ZNF438: variants seen among roughly 807,000 people sequenced by gnomAD.
The protein encoded by ZNF438 is zinc finger protein 438.
A neutral mutation model predicts 38.0 loss-of-function variants in ZNF438; 25 were observed. The ratio of observed to expected loss-of-function variants is 0.66; its 90% CI spans 0.48 to 0.92. ZNF438 has a LOEUF of 0.92. Ranked by LOEUF, ZNF438 falls within the 40% of genes least tolerant of loss-of-function variation. The pLI is 0.00. For missense variants in ZNF438, 1,007 were observed against 999.6 expected (o/e 1.01, Z -0.10); for synonymous variants, 372 against 364.1 (o/e 1.02, Z -0.25).
intron 3 of ZNF438, among the ~76,000 whole-genome samples, chr10:30,879,259 G>A (rs373376830): frequency 1.3e-5 from 2 of 152,186 alleles, no homozygotes; most frequent in South Asian, 2.1e-4. Context: ...GTACACAGAA[G>A]GGTCTTGCCT....
At chr10:30,986,146 C>T (rs1326822851) in intron 1 of ZNF438, among the ~76,000 whole-genome samples, 1 of 152,116 alleles carries the variant, frequency 6.6e-6, no homozygotes, top group Admixed American at 6.5e-5. Context: ...ATGATACTTT[C>T]ACAATGACAA....
At chr10:31,031,120 G>C (rs1016891621) in intron 1 of ZNF438, among the ~76,000 whole-genome samples, 1 of 152,242 alleles carries the variant, frequency 6.6e-6, no homozygotes, top group African/African-American at 2.4e-5. Context: ...ATGGAGGGAA[G>C]GTTGTCGGGG....
chr10:30,866,431 T>C (rs1391637618), intron 4 of ZNF438, among the ~76,000 whole-genome samples: 1 of 152,240 alleles, frequency 6.6e-6, no homozygotes, highest in Admixed American at 6.5e-5. Flanking sequence ...TAACAGTATT[T>C]GTTGCCAATG....
At chr10:30,906,488 T>C (rs894001707) in intron 3 of ZNF438, among the ~76,000 whole-genome samples, 2 of 152,154 alleles carry the variant, frequency 1.3e-5, no homozygotes, top group African/African-American at 4.8e-5. Context: ...TTCCTTAAGA[T>C]TTTTTTACAT....
In ZNF438 at chr10:30,874,108, GTGTGTGTATATATATATA is replaced by G. The variant is rs1348956684; in HGVS notation, c.37+2872_37+2889del. On this transcript the variant is annotated intron_variant, in intron 4 of 5. Coordinates refer to ENST00000413025, the Ensembl canonical transcript of ZNF438. ...ATTACGTGTGGGTGTGTGGGGGTGT[GTGTGTGTATATATATATA>G]TATATATATATATATATATATATAT... 4.5e-3 allele frequency among the ~76,000 whole-genome samples: 485 copies of G among 108,226 alleles called. 14 individuals carry two copies. The highest frequency in any genetic ancestry group is 0.015 in the South Asian group (55 of 3,778). 71.0% of individuals were successfully genotyped at this position (108,226 alleles called of 152,430 possible). A position where few individuals can be genotyped will look rare whatever the true frequency, so the allele number is the denominator to read the frequency against.
intron 1 of ZNF438, among the ~76,000 whole-genome samples, chr10:31,026,533 A>G (rs912808656): frequency 1.3e-5 from 2 of 152,238 alleles, no homozygotes; most frequent in African/African-American, 2.4e-5. Flanking sequence ...AATCAAAACC[A>G]CAATGAGATA....
intron 1 of ZNF438, among the ~76,000 whole-genome samples, chr10:30,955,824 A>T (rs1345846458): frequency 1.3e-5 from 2 of 151,988 alleles, no homozygotes; most frequent in Admixed American, 1.3e-4. Flanking sequence ...ACTTATTATT[A>T]TTTTTTTTAG....
At chr10:30,848,031 C>A (rs2032670993) in intron 5 of ZNF438, among the ~76,000 whole-genome samples, 1 of 152,166 alleles carries the variant, frequency 6.6e-6, no homozygotes, top group African/African-American at 2.4e-5. Context: ...TGAAATGACA[C>A]CCCAAGGATC....
intron 2 of ZNF438, among the ~76,000 whole-genome samples, chr10:30,927,806 T>C (rs139334711): frequency 6.6e-5 from 10 of 152,328 alleles, no homozygotes; most frequent in African/African-American, 2.2e-4. Context: ...GTTCTTTCAT[T>C]TGCGAAATGA....
intron 1 of ZNF438, among the ~76,000 whole-genome samples, chr10:31,009,008 GACA>G (rs1480701411): frequency 2.0e-5 from 3 of 152,194 alleles, no homozygotes; most frequent in Non-Finnish European, 4.4e-5. Flanking sequence ...CTCTATGAGT[GACA>G]ACGTTGAGCA....
intron 1 of ZNF438, among the ~76,000 whole-genome samples, chr10:31,014,178 C>T (rs78207041): frequency 0.081 from 12,301 of 152,076 alleles, 597 homozygotes; most frequent in Non-Finnish European, 0.11. Flanking sequence ...TGAAAAAAAA[C>T]AAAAAACCTC....
chr10:30,848,472 C>T (rs886179717), intron 5 of ZNF438, 59 bp downstream of exon 6: 28 of 1,533,738 alleles, frequency 1.8e-5, no homozygotes, highest in Non-Finnish European at 2.4e-5. Flanking sequence ...TGAAATCTTC[C>T]CCTCTTCCCC....
At chr10:30,854,674 C>A (rs1247376924) in intron 4 of ZNF438, among the ~76,000 whole-genome samples, 1 of 152,012 alleles carries the variant, frequency 6.6e-6, no homozygotes, top group Non-Finnish European at 1.5e-5. Flanking sequence ...AATCAACTAC[C>A]TACCTGAGGA....
chr10:30,902,908 C>T (rs1015809666), intron 3 of ZNF438, among the ~76,000 whole-genome samples: 10 of 152,188 alleles, frequency 6.6e-5, no homozygotes, highest in Admixed American at 3.3e-4. Flanking sequence ...CATGGCAGAG[C>T]GGGGAGACTC....
At chr10:30,993,468 A>G (rs1424470622) in intron 1 of ZNF438, among the ~76,000 whole-genome samples, 1 of 152,218 alleles carries the variant, frequency 6.6e-6, no homozygotes, top group Non-Finnish European at 1.5e-5. Context: ...CAAGCTATAA[A>G]TTTTGGTGGC....
chr10:30,989,634 G>T (rs984078067), intron 1 of ZNF438, among the ~76,000 whole-genome samples: 1 of 152,166 alleles, frequency 6.6e-6, no homozygotes, highest in Non-Finnish European at 1.5e-5. Flanking sequence ...TGTGATTAAG[G>T]GGGCGAGAAT....
intron 1 of ZNF438, among the ~76,000 whole-genome samples, chr10:31,000,873 A>G (rs1031560228): frequency 2.6e-5 from 4 of 152,078 alleles, no homozygotes; most frequent in African/African-American, 9.7e-5. Context: ...CCTCTCCAAA[A>G]TCTTTTAGTG....
At chr10:30,844,980 G>T in exon 6 of ZNF438, 1 of 1,613,800 alleles carries the variant, frequency 6.2e-7, no homozygotes, top group Non-Finnish European at 8.5e-7. Flanking sequence ...AGCTTCACTG[G>T]AAAGTTCGAT....
chr10:31,009,739 A>AT (rs1028090738), intron 1 of ZNF438, among the ~76,000 whole-genome samples: 6 of 151,048 alleles, frequency 4.0e-5, no homozygotes, highest in South Asian at 2.1e-4. Flanking sequence ...AAGATACCCT[A>AT]TTTTTTTTAA....
Sources: allele counts gnomAD v4.1 joint callset (sites outside exome capture counted in the v4.1 genomes callset), GRCh38; gene constraint gnomAD v4.1.1; transcripts MANE v1.5; gene names NCBI Gene and HGNC (gene_info 2026-07-23, HGNC 2026-07-21).